Variants in CGGBP1 observed in about 807,000 individuals in gnomAD.
CGGBP1 encodes the protein CGG triplet repeat binding protein 1.
Under a neutral mutation model 11.4 loss-of-function variants are expected in CGGBP1, and 4 were observed. The observed-to-expected ratio is 0.35, with a 90% CI of 0.17 to 0.80. The LOEUF (loss-of-function observed/expected upper bound fraction) is 0.80, where lower values mean the gene tolerates loss of function less well. CGGBP1 is among the 30% of genes least tolerant of loss of function. The pLI, the probability that CGGBP1 is intolerant of heterozygous loss-of-function variation, is 0.52. For missense variants in CGGBP1, 135 were observed against 202.1 expected (o/e 0.67, Z 2.01); for synonymous variants, 76 against 74.1 (o/e 1.03, Z -0.13).
chr3:88,114,871 T>C (rs1705296171), intron 2 of CGGBP1, among the ~76,000 whole-genome samples: 1 of 152,212 alleles, frequency 6.6e-6, no homozygotes. Flanking sequence ...TCCAGGCTTT[T>C]GACTGACACT....
chr3:88,130,285 A>G (rs1327420778), intron 2 of CGGBP1, among the ~76,000 whole-genome samples: 2 of 152,106 alleles, frequency 1.3e-5, no homozygotes, highest in Non-Finnish European at 2.9e-5. Context: ...AACTCTTACC[A>G]CTTTGCTGTT....
At chr3:88,132,751 A>G (rs1398778729) in intron 2 of CGGBP1, among the ~76,000 whole-genome samples, 5 of 152,178 alleles carry the variant, frequency 3.3e-5, no homozygotes, top group Non-Finnish European at 5.9e-5. Flanking sequence ...TATCTCTCTT[A>G]ATTCTTTTAA....
chr3:88,093,369 A>C (rs545551264), intron 2 of CGGBP1, among the ~76,000 whole-genome samples: 1 of 152,300 alleles, frequency 6.6e-6, no homozygotes, highest in South Asian at 2.1e-4. Context: ...GCCTCCTTTT[A>C]CCCAACAGAA....
intron 2 of CGGBP1, among the ~76,000 whole-genome samples, chr3:88,124,034 A>G (rs1326295073): frequency 1.3e-5 from 2 of 152,206 alleles, no homozygotes; most frequent in Non-Finnish European, 2.9e-5. Flanking sequence ...CCCATATTTA[A>G]TGAATGCTTT....
In CGGBP1 at chr3:88,057,192, A is replaced by G. The variant is rs1706565646; in HGVS notation, c.-25T>C. 6.6e-6 allele frequency: 1 copy of G among 152,236 alleles called. No homozygotes were observed. The highest frequency in any genetic ancestry group is 1.5e-5 in the Non-Finnish European group (1 of 68,038). The allele number at this position is 152,236 out of a possible 1,614,324, so 9.4% of individuals were successfully genotyped here. A position where few individuals can be genotyped will look rare whatever the true frequency, so the allele number is the denominator to read the frequency against. Reference sequence around the variant, plus strand: ...ATGGAGTATTCCATGAATACATACTAGAGAATAGCTGGGTAACATGAACTC... The same window carrying G: ...ATGGAGTATTCCATGAATACATACTGGAGAATAGCTGGGTAACATGAACTC... On this transcript the variant is annotated splice_region_variant and 5_prime_UTR_variant, in exon 3 of 4. Coordinates refer to ENST00000482016, the MANE Select transcript of CGGBP1 (RefSeq NM_001008390.2).
intron 2 of CGGBP1, among the ~76,000 whole-genome samples, chr3:88,075,083 G>C (rs1180801709): frequency 1.3e-5 from 2 of 152,076 alleles, no homozygotes; most frequent in Non-Finnish European, 2.9e-5. Flanking sequence ...GGTAGCCCCA[G>C]GTACCTCATC....
At chr3:88,113,072 A>T in intron 2 of CGGBP1, 7 of 1,315,198 alleles carry the variant, frequency 5.3e-6, no homozygotes, top group Non-Finnish European at 7.3e-6. Flanking sequence ...AATTGGAGCA[A>T]AACTCAAAGA....
intron 2 of CGGBP1, among the ~76,000 whole-genome samples, chr3:88,134,375 T>C (rs1244295603): frequency 6.6e-6 from 1 of 152,114 alleles, no homozygotes; most frequent in Non-Finnish European, 1.5e-5. Flanking sequence ...TGTACACTTT[T>C]ATGACATGTT....
intron 2 of CGGBP1, among the ~76,000 whole-genome samples, chr3:88,137,754 G>A (rs1706885166): frequency 2.6e-5 from 4 of 152,248 alleles, no homozygotes; most frequent in Middle Eastern, 3.4e-3. Context: ...AAAATCGGAT[G>A]TGCCAAGTTA....
chr3:88,087,324 C>G (rs1708389601), intron 2 of CGGBP1, among the ~76,000 whole-genome samples: 1 of 152,196 alleles, frequency 6.6e-6, no homozygotes, highest in African/African-American at 2.4e-5. Flanking sequence ...ATCTGCCCAC[C>G]TTGGCCTTCC....
chr3:88,107,676 T>C (rs1704827948), intron 2 of CGGBP1, among the ~76,000 whole-genome samples: 1 of 152,148 alleles, frequency 6.6e-6, no homozygotes, highest in Non-Finnish European at 1.5e-5. Flanking sequence ...TTTCTTTGTC[T>C]TTCTGTAGGT....
chr3:88,078,110 A>G (rs1375921536), intron 2 of CGGBP1, among the ~76,000 whole-genome samples: 1 of 152,226 alleles, frequency 6.6e-6, no homozygotes, highest in East Asian at 1.9e-4. Flanking sequence ...TATTGTGAAT[A>G]TCGGACTGAT....
At position 88,076,359 on chromosome 3, in the gene CGGBP1, A is replaced by G. The variant is rs1456786368; in HGVS notation, c.-228-18136T>C. ...CAGTCACCCTTCCTTTATTATGAGTAACATCTATAATTTTTTTTCCCCATT... is the reference window on the plus strand; with the variant it reads ...CAGTCACCCTTCCTTTATTATGAGTGACATCTATAATTTTTTTTCCCCATT... On this transcript the variant is annotated intron_variant, in intron 2 of 3. Transcript: ENST00000462901. 3.3e-5 allele frequency among the ~76,000 whole-genome samples: 5 copies of G among 152,090 alleles called. No individual in the cohort carries two copies. In the South Asian group the frequency reaches 6.2e-4, roughly 19 times the overall value.
At chr3:88,129,321 TAAAAAAA>T (rs11370327) in intron 2 of CGGBP1, among the ~76,000 whole-genome samples, 1 of 76,948 alleles carries the variant, frequency 1.3e-5, no homozygotes, top group Non-Finnish European at 2.4e-5. Context: ...TTGCCAGGAG[TAAAAAAA>T]AAAAAAAAAA....
chr3:88,103,261 C>T (rs139354784), intron 2 of CGGBP1, among the ~76,000 whole-genome samples: 1 of 151,992 alleles, frequency 6.6e-6, no homozygotes, highest in African/African-American at 2.4e-5. Context: ...ACAGATAATA[C>T]GTTTGAGCAG....
At chr3:88,100,205 C>A (rs1704325366) in intron 2 of CGGBP1, among the ~76,000 whole-genome samples, 1 of 152,062 alleles carries the variant, frequency 6.6e-6, no homozygotes, top group Non-Finnish European at 1.5e-5. Flanking sequence ...ATTTATGCAG[C>A]CAACAGACAT....
rs374266455 is a variant in CGGBP1 at position 88,140,916 on chromosome 3, G to A, written c.-229+54C>T. On this transcript the variant is annotated intron_variant, in intron 2 of 3. Transcript: ENST00000462901. ...AGATGCCTGTTCTGATCAAGATAAC[G>A]TGTATAAAAAATCAGTGAAAAGATT... is the stretch of plus-strand genomic sequence containing the variant. 34 of 1,613,508 alleles carry A rather than the reference G, an allele frequency of 2.1e-5. No individual in the cohort carries two copies. In the Middle Eastern group the frequency reaches 4.9e-4, roughly 23 times the overall value.
At chr3:88,085,613 T>G (rs1439081168) in intron 2 of CGGBP1, among the ~76,000 whole-genome samples, 1 of 152,186 alleles carries the variant, frequency 6.6e-6, no homozygotes, top group Non-Finnish European at 1.5e-5. Context: ...TTCTCATAAA[T>G]TACCCCAATT....
At chr3:88,147,721 C>G (rs1204735257) in intron 1 of CGGBP1, among the ~76,000 whole-genome samples, 1 of 152,212 alleles carries the variant, frequency 6.6e-6, no homozygotes, top group African/African-American at 2.4e-5. Context: ...TTTTCACCAT[C>G]TCGAAAAGCA....
Sources: gnomAD v4.1 joint callset for allele counts (sites outside exome capture counted in the v4.1 genomes callset) on GRCh38, gnomAD v4.1.1 for gene constraint, MANE v1.5 for transcripts, NCBI Gene and HGNC (gene_info 2026-07-23, HGNC 2026-07-21) for gene names.